FAF1: variants seen among roughly 807,000 people sequenced by gnomAD.
The protein encoded by FAF1 is Fas associated factor 1.
In FAF1, 25 loss-of-function variants were observed where a neutral mutation model predicts 92.5. That is an observed-to-expected ratio of 0.27 (90% CI 0.20 to 0.38). The LOEUF (loss-of-function observed/expected upper bound fraction) is 0.38, where lower values mean the gene tolerates loss of function less well. Ranked by LOEUF, FAF1 falls within the 10% of genes least tolerant of loss-of-function variation. The probability of loss-of-function intolerance (pLI) is 1.00; values close to 1 mark genes in which losing one functional copy is unlikely to be tolerated. For missense variants in FAF1, 636 were observed against 793.3 expected, an observed-to-expected ratio of 0.80 and a Z score of 2.38; for synonymous variants, 234 against 273.2, an observed-to-expected ratio of 0.86 and a Z score of 1.42.
At chr1:50,653,410 G>C (rs1284873749) in intron 8 of FAF1, among the ~76,000 whole-genome samples, 1 of 152,130 alleles carries the variant, frequency 6.6e-6, no homozygotes, top group Non-Finnish European at 1.5e-5. Context: ...GAGTGCAATG[G>C]CACAATCTTG....
intron 1 of FAF1, among the ~76,000 whole-genome samples, chr1:50,942,430 A>G (rs562482123): frequency 6.6e-6 from 1 of 152,260 alleles, no homozygotes; most frequent in African/African-American, 2.4e-5. Flanking sequence ...TTTGTTGTAA[A>G]CCACACTGTA....
chr1:50,667,383 T>A (rs1655685647), intron 7 of FAF1, among the ~76,000 whole-genome samples: 1 of 152,152 alleles, frequency 6.6e-6, no homozygotes, highest in Non-Finnish European at 1.5e-5. Flanking sequence ...GTAAATCAAT[T>A]ATGCCCTATC....
Position 50,807,235 on chromosome 1 carries a change from G to A in FAF1, c.115-5558C>T, listed in dbSNP as rs182514600. On this transcript the variant is annotated intron_variant, in intron 2 of 18. Transcript: ENST00000396153. ...AAAGACTCCAACAATTTTAAAACAC[G>A]GTCACAGGTGTATTAGTTCATTCTC... Among the ~76,000 whole-genome samples the A allele has an allele frequency of 2.4e-3, 365 of 152,240 alleles. 2 individuals are homozygous for A. Among genetic ancestry groups the A allele is most frequent in the Non-Finnish European group, 3.5e-3 (240 of 68,020 alleles).
intron 17 of FAF1, among the ~76,000 whole-genome samples, chr1:50,480,953 G>T (rs1646696702): frequency 6.6e-6 from 1 of 152,052 alleles, no homozygotes; most frequent in Admixed American, 6.6e-5. Context: ...TGATATTGAT[G>T]ATCTAGACCT....
At chr1:50,595,987 G>T (rs1651787174) in intron 9 of FAF1, 134 bp downstream of exon 9, 6 of 628,962 alleles carry the variant, frequency 9.5e-6, no homozygotes, top group Admixed American at 3.0e-5. Flanking sequence ...CTGCCTTCAA[G>T]AATTTACCGA....
chr1:50,497,379 T>C (rs1460327784), intron 15 of FAF1, among the ~76,000 whole-genome samples: 1 of 151,668 alleles, frequency 6.6e-6, no homozygotes, highest in Non-Finnish European at 1.5e-5. Flanking sequence ...CCTGAAAAAA[T>C]TCATCAATAG....
chr1:50,639,866 G>A (rs998967073), intron 8 of FAF1, among the ~76,000 whole-genome samples: 11 of 150,434 alleles, frequency 7.3e-5, no homozygotes, highest in Admixed American at 3.3e-4. Context: ...CCTGGGAGGA[G>A]GAGGTTGCAG....
intron 13 of FAF1, among the ~76,000 whole-genome samples, chr1:50,566,126 T>C (rs1650165062): frequency 6.6e-6 from 1 of 152,118 alleles, no homozygotes; most frequent in Admixed American, 6.5e-5. Context: ...TATTAGATTA[T>C]GAAATAGCTT....
At chr1:50,837,490 C>T (rs186486350) in intron 2 of FAF1, among the ~76,000 whole-genome samples, 115 of 152,214 alleles carry the variant, frequency 7.6e-4, no homozygotes, top group African/African-American at 2.6e-3. Context: ...GGCAAGAATA[C>T]TACATAAGGG....
chr1:50,686,123 ATAG>A (rs1656645136), intron 7 of FAF1, among the ~76,000 whole-genome samples: 1 of 152,224 alleles, frequency 6.6e-6, no homozygotes, highest in South Asian at 2.1e-4. Flanking sequence ...GTACCCAATA[ATAG>A]TACCACTGTC....
intron 15 of FAF1, among the ~76,000 whole-genome samples, chr1:50,503,148 A>T (rs974348794): frequency 4.6e-5 from 7 of 152,236 alleles, no homozygotes; most frequent in East Asian, 1.9e-4. Context: ...TCTTATTTTT[A>T]AAAAGGCAGT....
chr1:50,504,672 T>C (rs941364601), intron 15 of FAF1, among the ~76,000 whole-genome samples: 2 of 152,176 alleles, frequency 1.3e-5, no homozygotes, highest in Non-Finnish European at 2.9e-5. Context: ...ACTCCTAAAC[T>C]GAATAAACAA....
intron 18 of FAF1, among the ~76,000 whole-genome samples, chr1:50,466,779 A>G (rs1277595851): frequency 1.3e-5 from 2 of 152,130 alleles, no homozygotes; most frequent in Non-Finnish European, 2.9e-5. Flanking sequence ...AACCCCCTTC[A>G]GCCTTTTCTC....
chr1:50,586,665 G>C (rs766056676), intron 9 of FAF1, among the ~76,000 whole-genome samples: 1 of 151,996 alleles, frequency 6.6e-6, no homozygotes, highest in East Asian at 1.9e-4. Flanking sequence ...TAGTTTGTTC[G>C]TAGATCTAAG....
intron 4 of FAF1, among the ~76,000 whole-genome samples, chr1:50,771,861 A>C (rs961832322): frequency 1.3e-5 from 2 of 152,216 alleles, no homozygotes; most frequent in Admixed American, 6.5e-5. Flanking sequence ...AGATCGTGCC[A>C]TTGCACGCTA....
chr1:50,681,564 A>G (rs2124367683), intron 7 of FAF1, among the ~76,000 whole-genome samples: 2 of 151,820 alleles, frequency 1.3e-5, no homozygotes, highest in African/African-American at 2.4e-5. Flanking sequence ...CTCGAGTGCA[A>G]TGGCGCAATC....
At chr1:50,722,977 C>T (rs924005844) in intron 6 of FAF1, among the ~76,000 whole-genome samples, 1 of 152,118 alleles carries the variant, frequency 6.6e-6, no homozygotes, top group Non-Finnish European at 1.5e-5. Flanking sequence ...AATTCTAAGT[C>T]AGAGCTCTCA....
chr1:50,528,054 G>A (rs1463686436), intron 15 of FAF1, among the ~76,000 whole-genome samples: 1 of 151,906 alleles, frequency 6.6e-6, no homozygotes, highest in Non-Finnish European at 1.5e-5. Flanking sequence ...TTTTTGTAGA[G>A]ATGGGGTTTC....
chr1:50,490,368 G>T (rs899646017), intron 17 of FAF1, among the ~76,000 whole-genome samples: 5 of 146,076 alleles, frequency 3.4e-5, no homozygotes, highest in Non-Finnish European at 7.5e-5. Flanking sequence ...GTGACAGAGC[G>T]AAGACTCTAT....
Sources: gnomAD v4.1 joint callset for allele counts (sites outside exome capture counted in the v4.1 genomes callset) on GRCh38, gnomAD v4.1.1 for gene constraint, MANE v1.5 for transcripts, NCBI Gene and HGNC (gene_info 2026-07-23, HGNC 2026-07-21) for gene names.